DDX1: variants seen among roughly 807,000 people sequenced by gnomAD.
DDX1 encodes ATP-dependent RNA helicase DDX1.
In DDX1, 28 loss-of-function variants were observed where a neutral mutation model predicts 108.7. The ratio of observed to expected loss-of-function variants is 0.26; its 90% confidence interval spans 0.19 to 0.35. The LOEUF is 0.35. Ranked by LOEUF, DDX1 falls within the 10% of genes least tolerant of loss-of-function variation. The pLI, the probability that DDX1 is intolerant of heterozygous loss-of-function variation, is 1.00. For missense variants in DDX1, 710 were observed against 884.5 expected (o/e 0.80, Z 2.50); for synonymous variants, 295 against 288.9 (o/e 1.02, Z -0.21).
chr2:15,593,147 C>G (rs1227891488), intron 1 of DDX1, among the ~76,000 whole-genome samples: 1 of 152,148 alleles, frequency 6.6e-6, no homozygotes, highest in Admixed American at 6.5e-5. Flanking sequence ...GTCTCGAACT[C>G]CTGACCTCAG....
At chr2:15,600,205 GGGGTTAACAGACCTTACAGT>G (rs1665568847) in intron 6 of DDX1, among the ~76,000 whole-genome samples, 1 of 152,182 alleles carries the variant, frequency 6.6e-6, no homozygotes, top group African/African-American at 2.4e-5. Flanking sequence ...CCTCCTTCTT[GGGGTTAACAGACCTTACAGT>G]GGCTTTTATC....
At chr2:15,611,995 G>A (rs1487224641) in intron 13 of DDX1, among the ~76,000 whole-genome samples, 1 of 137,626 alleles carries the variant, frequency 7.3e-6, no homozygotes, top group Non-Finnish European at 1.5e-5. Context: ...CGGACAGGGC[G>A]GCTGGCCGGG....
At chr2:15,592,683 C>A (rs780977858) in intron 1 of DDX1, among the ~76,000 whole-genome samples, 4 of 152,050 alleles carry the variant, frequency 2.6e-5, no homozygotes, top group Admixed American at 6.5e-5. Context: ...TGTTAGGCAT[C>A]CAGTTTTAGG....
intron 7 of DDX1, 97 bp downstream of exon 7, chr2:15,602,728 T>C: frequency 7.8e-6 from 7 of 898,382 alleles, no homozygotes; most frequent in Non-Finnish European, 1.2e-5. Flanking sequence ...TGAGATGGAG[T>C]CTCGCACGTC....
At chr2:15,607,652 T>C (rs1471948789) in intron 13 of DDX1, among the ~76,000 whole-genome samples, 2 of 152,248 alleles carry the variant, frequency 1.3e-5, no homozygotes, top group African/African-American at 2.4e-5. Context: ...AGTGATATGA[T>C]TGTAGCTCAC....
intron 8 of DDX1, 136 bp from the exon 9 acceptor site, chr2:15,603,678 G>A: frequency 3.1e-6 from 2 of 654,790 alleles, no homozygotes; most frequent in South Asian, 4.1e-5. Context: ...TTTTTTGCAG[G>A]ATTCAGAAAC....
rs767849164 is a variant in DDX1, at chr2:15,603,174, T to C, written c.392-18T>C. The stretch of plus-strand genomic sequence containing the variant: ...TGTGTGTGATTTATATAAATCTCAA[T>C]GTATTTTACCCTTGTAGGGAAACAC... On this transcript the variant is annotated intron_variant, in intron 7 of 25. Coordinates refer to ENST00000233084, the MANE Select transcript of DDX1 (RefSeq NM_004939.3). 17 of 1,530,020 alleles carry C rather than the reference T, an allele frequency of 1.1e-5. No individual in the cohort carries two copies. Among genetic ancestry groups the C allele is most frequent in the Non-Finnish European group, 1.4e-5 (16 of 1,115,140 alleles). 94.8% of individuals were successfully genotyped at this position (1,530,020 alleles called of 1,614,324 possible). A position where few individuals can be genotyped will look rare whatever the true frequency, so the allele number is the denominator to read the frequency against.
intron 13 of DDX1, among the ~76,000 whole-genome samples, chr2:15,609,475 C>T (rs1337661813): frequency 1.3e-5 from 2 of 152,232 alleles, no homozygotes; most frequent in African/African-American, 4.8e-5. Flanking sequence ...TACATACTGT[C>T]ATGTGTTACT....
At chr2:15,621,684 A>C (rs1666011614) in intron 18 of DDX1, among the ~76,000 whole-genome samples, 1 of 149,010 alleles carries the variant, frequency 6.7e-6, no homozygotes, top group East Asian at 2.0e-4. Context: ...ACACGGTCTC[A>C]CTCTGTCACC....
intron 19 of DDX1, 27 bp downstream of exon 19, chr2:15,623,609 T>C: frequency 6.3e-7 from 1 of 1,583,440 alleles, no homozygotes; most frequent in East Asian, 2.2e-5. Flanking sequence ...TGAAATAAAT[T>C]GTGTTTATAT....
At position 15,630,076 on chromosome 2, in the gene DDX1, G is replaced by T; in HGVS notation, c.2058G>T (p.Gly686=). ...AGGTACCAGTGGATGAATTTGATGG[G>T]AAAGTTACCTACGGTCAGAAAAGGG... is the stretch of plus-strand genomic sequence containing the variant. The part of the protein sequence containing the change: ...DIKVPVDEFD[G]KVTYGQKRAA... Residue 686 remains glycine (G), a synonymous_variant, in exon 25 of 26, where the codon GGG becomes GGT. Transcript: ENST00000233084. 6.2e-7 allele frequency: 1 copy of T among 1,613,660 alleles called. No homozygotes were observed.
At chr2:15,624,373 G>C (rs548701102) in intron 19 of DDX1, among the ~76,000 whole-genome samples, 2 of 152,184 alleles carry the variant, frequency 1.3e-5, no homozygotes, top group Non-Finnish European at 2.9e-5. Flanking sequence ...AATGTAAACT[G>C]TATTAGTCTG....
intron 14 of DDX1, among the ~76,000 whole-genome samples, chr2:15,615,304 TAAAAA>T (rs578123639): frequency 6.6e-6 from 1 of 152,142 alleles, no homozygotes; most frequent in Non-Finnish European, 1.5e-5. Context: ...CTAACTGACT[TAAAAA>T]AACAAAACAA....
chr2:15,629,164 T>C (rs1666149940), intron 23 of DDX1, among the ~76,000 whole-genome samples: 1 of 152,186 alleles, frequency 6.6e-6, no homozygotes, highest in African/African-American at 2.4e-5. Context: ...ATTACAAATT[T>C]ATAGAAAAGT....
At chr2:15,602,870 T>C (rs1049588495) in intron 7 of DDX1, among the ~76,000 whole-genome samples, 2 of 152,126 alleles carry the variant, frequency 1.3e-5, no homozygotes, top group Admixed American at 6.5e-5. Context: ...CCCACCACCA[T>C]GCCTGGCTAA....
intron 14 of DDX1, among the ~76,000 whole-genome samples, chr2:15,613,782 A>T (rs1573045595): frequency 6.6e-6 from 1 of 152,064 alleles, no homozygotes; most frequent in South Asian, 2.1e-4. Flanking sequence ...GCCATTACGA[A>T]GGACAAAGCT....
chr2:15,611,186 A>G (rs7597536), intron 13 of DDX1, among the ~76,000 whole-genome samples: 33,220 of 146,462 alleles, frequency 0.23, 4,378 homozygotes, highest in African/African-American at 0.4. Context: ...TGTTTCAGAG[A>G]GCACAGGGTT....
chr2:15,619,571 G>A (rs1665956898), intron 16 of DDX1, among the ~76,000 whole-genome samples: 1 of 152,154 alleles, frequency 6.6e-6, no homozygotes, highest in Non-Finnish European at 1.5e-5. Context: ...TTATGAGCAG[G>A]GTCAAAGGGT....
rs10188798 is a variant in DDX1 at position 15,592,026 on chromosome 2, A to G, written c.16+77A>G. The G allele has an allele frequency of 1.4e-3, 1,738 of 1,280,306 alleles. 16 individuals carry two copies. The African/African-American group carries it at 0.024, about 18-fold the overall frequency. 79.3% of individuals were successfully genotyped at this position (1,280,306 alleles called of 1,614,324 possible). A position where few individuals can be genotyped will look rare whatever the true frequency, so the allele number is the denominator to read the frequency against. On this transcript the variant is annotated intron_variant, in intron 1 of 25. Coordinates refer to ENST00000233084, the MANE Select transcript of DDX1 (RefSeq NM_004939.3). ...GCCCTGGGGCCGCCCGCGGAGAGCTAAAGGGGCGGGAGCGGACAGGGGTCA... is the reference window on the plus strand; with the variant it reads ...GCCCTGGGGCCGCCCGCGGAGAGCTGAAGGGGCGGGAGCGGACAGGGGTCA...
Sources: allele counts gnomAD v4.1 joint callset (sites outside exome capture counted in the v4.1 genomes callset), GRCh38; gene constraint gnomAD v4.1.1; transcripts MANE v1.5; gene names NCBI Gene and HGNC (gene_info 2026-07-23, HGNC 2026-07-21).